Variants in UBE2G1 observed in about 807,000 individuals in gnomAD.
The protein encoded by UBE2G1 is ubiquitin-conjugating enzyme E2 G1.
Under a neutral mutation model 22.7 loss-of-function variants are expected in UBE2G1, and 5 were observed. That is an observed-to-expected ratio of 0.22 (90% confidence interval 0.12 to 0.46). The LOEUF (loss-of-function observed/expected upper bound fraction) is 0.46, where lower values mean the gene tolerates loss of function less well. Among genes scored for constraint, UBE2G1 ranks in the 20% least tolerant of loss-of-function variants. The pLI, the probability that UBE2G1 is intolerant of heterozygous loss-of-function variation, is 0.99. For missense variants in UBE2G1, 88 were observed against 203.9 expected (o/e 0.43, Z 3.46); for synonymous variants, 74 against 67.5 (o/e 1.10, Z -0.47).
chr17:4,288,728 G>A (rs919424134), intron 4 of UBE2G1, among the ~76,000 whole-genome samples: 2 of 152,066 alleles, frequency 1.3e-5, no homozygotes, highest in African/African-American at 4.8e-5. Context: ...TCCTAATAAC[G>A]ACGTATAGTA....
intron 1 of UBE2G1, among the ~76,000 whole-genome samples, chr17:4,316,562 T>C (rs934113130): frequency 2.6e-5 from 4 of 152,208 alleles, no homozygotes; most frequent in Non-Finnish European, 5.9e-5. Context: ...GTGTATTTCC[T>C]CTTTAGATTT....
intron 1 of UBE2G1, among the ~76,000 whole-genome samples, chr17:4,354,737 C>T (rs1470917308): frequency 6.6e-6 from 1 of 151,988 alleles, no homozygotes; most frequent in East Asian, 1.9e-4. Context: ...TCAAGACCAG[C>T]CTGGGCAACG....
At chr17:4,301,906 TGGTCACACAACCCCTGG>T (rs963430114) in intron 2 of UBE2G1, 1 of 492,670 alleles carries the variant, frequency 2.0e-6, no homozygotes. Flanking sequence ...GGGGTTCTGC[TGGTCACACAACCCCTGG>T]GGTCACACTT....
chr17:4,334,360 C>A (rs530365352), intron 1 of UBE2G1, among the ~76,000 whole-genome samples: 3 of 152,044 alleles, frequency 2.0e-5, no homozygotes, highest in African/African-American at 7.3e-5. Context: ...CTACTGTGTA[C>A]AAAAGTTTAT....
intron 1 of UBE2G1, chr17:4,345,478 C>A (rs1050997772): frequency 1.4e-4 from 22 of 152,138 alleles, no homozygotes; most frequent in African/African-American, 5.3e-4. Context: ...CAGTAACTTA[C>A]AAATATTCCC....
intron 3 of UBE2G1, 62 bp downstream of exon 3, chr17:4,296,655 T>C: frequency 6.8e-7 from 1 of 1,463,620 alleles, no homozygotes; most frequent in Non-Finnish European, 9.6e-7. Context: ...TTATTGACCT[T>C]GAACACTTCA....
intron 1 of UBE2G1, among the ~76,000 whole-genome samples, chr17:4,324,755 C>A (rs965729215): frequency 6.6e-6 from 1 of 151,988 alleles, no homozygotes; most frequent in Non-Finnish European, 1.5e-5. Context: ...TAGAAAAATC[C>A]ACAATGTTGA....
intron 1 of UBE2G1, among the ~76,000 whole-genome samples, chr17:4,328,667 C>A (rs965986450): frequency 6.6e-6 from 1 of 152,208 alleles, no homozygotes; most frequent in Non-Finnish European, 1.5e-5. Context: ...GTTATTTATA[C>A]ATTTATTCAA....
chr17:4,346,220 T>G (rs1969769337), intron 1 of UBE2G1, among the ~76,000 whole-genome samples: 1 of 152,070 alleles, frequency 6.6e-6, no homozygotes, highest in African/African-American at 2.4e-5. Context: ...TAACCAACAA[T>G]AACCATGAAT....
intron 1 of UBE2G1, among the ~76,000 whole-genome samples, chr17:4,337,409 T>C (rs1256171243): frequency 6.6e-6 from 1 of 150,794 alleles, no homozygotes; most frequent in Non-Finnish European, 1.5e-5. Context: ...TCCCAGCACT[T>C]TGGGAGGTCG....
chr17:4,365,380 G>C (rs1383377218), intron 1 of UBE2G1, among the ~76,000 whole-genome samples: 1 of 152,246 alleles, frequency 6.6e-6, no homozygotes, highest in Non-Finnish European at 1.5e-5. Flanking sequence ...AGTCCTAGCA[G>C]AGTAGGAGCC....
At chr17:4,358,098 G>A (rs1321845389) in intron 1 of UBE2G1, among the ~76,000 whole-genome samples, 1 of 151,990 alleles carries the variant, frequency 6.6e-6, no homozygotes, top group Non-Finnish European at 1.5e-5. Flanking sequence ...CCAAGTCCCT[G>A]GCAGCATTTA....
At chr17:4,278,218 T>C (rs1968843695) in intron 5 of UBE2G1, among the ~76,000 whole-genome samples, 1 of 152,242 alleles carries the variant, frequency 6.6e-6, no homozygotes, top group African/African-American at 2.4e-5. Flanking sequence ...CAGGTTTCCA[T>C]GGTATAAAGC....
intron 1 of UBE2G1, among the ~76,000 whole-genome samples, chr17:4,310,848 G>A (rs934018525): frequency 1.3e-5 from 2 of 152,130 alleles, no homozygotes; most frequent in Non-Finnish European, 2.9e-5. Flanking sequence ...AGAAAACAAG[G>A]CTATTTAGAA....
intron 1 of UBE2G1, among the ~76,000 whole-genome samples, chr17:4,332,932 T>C (rs1403784488): frequency 6.6e-6 from 1 of 152,202 alleles, no homozygotes; most frequent in Non-Finnish European, 1.5e-5. Context: ...CACTTTCTAT[T>C]AATTCTTCTC....
At chr17:4,352,494 A>G (rs910139185) in intron 1 of UBE2G1, among the ~76,000 whole-genome samples, 1 of 152,228 alleles carries the variant, frequency 6.6e-6, no homozygotes, top group African/African-American at 2.4e-5. Flanking sequence ...TTTGGAAACT[A>G]CGGTCAGAAA....
chr17:4,314,519 A>T (rs771444124), intron 1 of UBE2G1, among the ~76,000 whole-genome samples: 2 of 152,230 alleles, frequency 1.3e-5, no homozygotes, highest in Non-Finnish European at 2.9e-5. Context: ...AAGCAAAAGA[A>T]TCAACATTTA....
At chr17:4,315,766 A>C (rs566956766) in intron 1 of UBE2G1, among the ~76,000 whole-genome samples, 9 of 146,354 alleles carry the variant, frequency 6.1e-5, no homozygotes, top group Admixed American at 4.1e-4. Flanking sequence ...AAAAACAAAA[A>C]CAAACAAACA....
chr17:4,353,574 G>A lies in UBE2G1; in HGVS notation c.46+12697C>T, dbSNP rs549334054. 3.3e-4 allele frequency among the ~76,000 whole-genome samples: 49 copies of A among 150,342 alleles called. No individual in the cohort carries two copies. In the East Asian group the frequency reaches 7.9e-3, roughly 24 times the overall value. Reference sequence around the variant, plus strand: ...AGTGTAGTGGCGATCTTGGCTCACTGCAACCTCGGTTCAAGAGGTTCTTGA... The same window carrying A: ...AGTGTAGTGGCGATCTTGGCTCACTACAACCTCGGTTCAAGAGGTTCTTGA... On this transcript the variant is annotated intron_variant, in intron 1 of 5. Transcript: ENST00000396981.
Sources: allele counts gnomAD v4.1 joint callset (sites outside exome capture counted in the v4.1 genomes callset), GRCh38; gene constraint gnomAD v4.1.1; transcripts MANE v1.5; gene names NCBI Gene and HGNC (gene_info 2026-07-23, HGNC 2026-07-21).